Variants in CD1B observed in about 807,000 individuals in gnomAD.
CD1B encodes the protein CD1b molecule, also known as T-cell surface glycoprotein CD1b.
In CD1B, 43 loss-of-function variants were observed where a neutral mutation model predicts 39.8. That is an observed-to-expected ratio of 1.08 (90% CI 0.85 to 1.39). The LOEUF (loss-of-function observed/expected upper bound fraction) is 1.39. CD1B is among the 40% of genes most tolerant of loss of function. CD1B has a pLI of 0.00. For synonymous variants in CD1B, 192 were observed against 152.5 expected (o/e 1.26, Z -1.91); for missense variants, 495 against 403.8 (o/e 1.23, Z -1.94).
chr1:158,321,192 G>C, the CD1B span, among the ~76,000 whole-genome samples: 1 of 152,056 alleles, frequency 6.6e-6, no homozygotes, highest in African/African-American at 2.4e-5. Context: ...TTCAATTGTT[G>C]GGTACATGCA....
Position 158,329,992 on chromosome 1 carries a change from C to G in CD1B, c.467G>C (p.Gly156Ala). The change falls in exon 3 of 6, where the codon GGC (glycine) becomes GCC (alanine). Residue 156 changes from glycine (G) to alanine (A), a missense_variant. Gly to Ala is a moderately conservative substitution (Grantham distance 60). Transcript: ENST00000368168. ...TGCACAGAATTTCTGTGCCCTGCTG[C>G]CACCTTCTGGGGAAGGCACACATGA... ...NASCVPSPEG[G>A]SRAQKFCALI... is the part of the protein sequence containing the mutation. The G allele has an allele frequency of 6.2e-7, 1 of 1,614,094 alleles. No individual in the cohort carries two copies. The highest frequency in any genetic ancestry group is 8.5e-7 in the Non-Finnish European group (1 of 1,180,004).
the CD1B span, among the ~76,000 whole-genome samples, chr1:158,313,286 G>A: frequency 6.6e-6 from 1 of 151,994 alleles, no homozygotes; most frequent in East Asian, 1.9e-4. Context: ...CGTTTCATTA[G>A]GGATATTGGC....
chr1:158,325,621 T>A (rs762801788), downstream of CD1B, among the ~76,000 whole-genome samples: 1 of 151,210 alleles, frequency 6.6e-6, no homozygotes, highest in Non-Finnish European at 1.5e-5. Context: ...TCTAGCTATC[T>A]GTCTGGACAT....
the CD1B span, among the ~76,000 whole-genome samples, chr1:158,299,034 C>T: frequency 1.3e-5 from 2 of 152,140 alleles, no homozygotes; most frequent in African/African-American, 2.4e-5. Flanking sequence ...TTGCCCTGGC[C>T]AGACTTCCAA....
the CD1B span, among the ~76,000 whole-genome samples, chr1:158,320,424 G>T: frequency 3.9e-5 from 6 of 152,230 alleles, no homozygotes; most frequent in African/African-American, 7.2e-5. Context: ...CGATTTTCCA[G>T]GTGCCGTCCG....
downstream of CD1B, among the ~76,000 whole-genome samples, chr1:158,327,372 G>A (rs1652393349): frequency 6.6e-6 from 1 of 152,132 alleles, no homozygotes; most frequent in Admixed American, 6.5e-5. Context: ...GCTGTAGTAA[G>A]CCAAGGGTGG....
At chr1:158,325,494 T>G (rs1036416667), downstream of CD1B, among the ~76,000 whole-genome samples, 3 of 152,240 alleles carry the variant, frequency 2.0e-5, no homozygotes, top group African/African-American at 7.2e-5. Context: ...ACTACATTTT[T>G]GAAAAACATT....
intron 4 of CD1B, 146 bp from the exon 5 acceptor site, chr1:158,329,160 T>A (rs377713664): frequency 4.4e-6 from 4 of 918,632 alleles, no homozygotes; most frequent in South Asian, 1.7e-5. Context: ...CATCCTTTGA[T>A]CCCCTCTACC....
At chr1:158,305,187 GA>G in the CD1B span, among the ~76,000 whole-genome samples, 228 of 151,792 alleles carry the variant, frequency 1.5e-3, no homozygotes, top group African/African-American at 5.0e-3. Context: ...TAAAAATCTT[GA>G]AAAAAAATTA....
rs926276534 is a variant in CD1B, at chr1:158,330,900, T to A, written c.224A>T (p.Asn75Ile). The A allele has an allele frequency of 3.1e-6, 5 of 1,613,750 alleles. No individual in the cohort carries two copies. In the Admixed American group the frequency reaches 8.3e-5, roughly 27 times the overall value. ...AIFLKPWSKGNFSDKEVAELE... is the reference protein window; with the variant it reads ...AIFLKPWSKGIFSDKEVAELE... ...CTCAGCAACCTCCTTATCACTAAAG[T>A]TACCTTTAGACCAAGGCTTCAGGAA... Residue 75 changes from asparagine (N) to isoleucine (I), a missense_variant, in exon 2 of 6, where the codon AAC (asparagine) becomes ATC (isoleucine). Asn to Ile is a moderately radical substitution (Grantham distance 149). Coordinates refer to ENST00000368168, the MANE Select transcript of CD1B (RefSeq NM_001764.3).
the CD1B span, among the ~76,000 whole-genome samples, chr1:158,320,337 C>G: frequency 3.3e-5 from 5 of 152,320 alleles, no homozygotes; most frequent in Admixed American, 3.3e-4. Context: ...CCCTCCGAAG[C>G]AGGTGTGGGA....
At chr1:158,294,230 G>A in the CD1B span, among the ~76,000 whole-genome samples, 2,970 of 152,338 alleles carry the variant, frequency 0.019, 99 homozygotes, top group African/African-American at 0.067. Flanking sequence ...GTTGGAGTGG[G>A]ATCAAGGCAA....
chr1:158,288,873 C>T, the CD1B span, among the ~76,000 whole-genome samples: 1 of 152,226 alleles, frequency 6.6e-6, no homozygotes, highest in Non-Finnish European at 1.5e-5. Context: ...ATATAAACTA[C>T]TTAAATCAAA....
the CD1B span, among the ~76,000 whole-genome samples, chr1:158,317,007 C>T: frequency 1.3e-5 from 2 of 151,428 alleles, no homozygotes; most frequent in African/African-American, 4.9e-5. Flanking sequence ...AGGGATGAAG[C>T]CCACTTGATC....
the CD1B span, among the ~76,000 whole-genome samples, chr1:158,317,859 T>C: frequency 3.9e-5 from 6 of 152,320 alleles, no homozygotes; most frequent in South Asian, 1.2e-3. Context: ...TCTGGTATGT[T>C]GTGTGTTTGT....
At position 158,330,005 on chromosome 1, in the gene CD1B, A is replaced by G; in HGVS notation, c.454T>C (p.Ser152Pro). 1 of 1,614,078 alleles carries G rather than the reference A, an allele frequency of 6.2e-7. No homozygotes were observed. Among genetic ancestry groups the G allele is most frequent in the Non-Finnish European group, 8.5e-7 (1 of 1,180,000 alleles). ...LSVKNASCVP[S>P]PEGGSRAQKF... ...TGTGCCCTGCTGCCACCTTCTGGGG[A>G]AGGCACACATGAAGCATTCTTGACA... Residue 152 changes from serine to proline, a missense_variant, in exon 3 of 6, where the codon TCC (serine) becomes CCC (proline). Physicochemically the swap from Ser to Pro is moderately conservative, Grantham distance 74. Transcript: ENST00000368168.
the CD1B span, among the ~76,000 whole-genome samples, chr1:158,296,399 A>G: frequency 6.6e-6 from 1 of 152,196 alleles, no homozygotes; most frequent in Non-Finnish European, 1.5e-5. Context: ...CCTATACCAT[A>G]GTCAAAGCCT....
the CD1B span, among the ~76,000 whole-genome samples, chr1:158,306,898 A>T: frequency 1.3e-5 from 2 of 152,232 alleles, no homozygotes; most frequent in African/African-American, 2.4e-5. Flanking sequence ...CAAAGACACA[A>T]CATACCAGAA....
chr1:158,291,396 G>C, the CD1B span: 1 of 1,612,974 alleles, frequency 6.2e-7, no homozygotes, highest in East Asian at 2.2e-5. Context: ...AAGATTACTC[G>C]AAATGTAAGT....
Sources: allele counts gnomAD v4.1 joint callset (sites outside exome capture counted in the v4.1 genomes callset), GRCh38; gene constraint gnomAD v4.1.1; transcripts MANE v1.5; gene names NCBI Gene and HGNC (gene_info 2026-07-23, HGNC 2026-07-21).